DHX30: variants seen among roughly 807,000 people sequenced by gnomAD.
DHX30 encodes ATP-dependent RNA helicase DHX30.
In DHX30, 4 loss-of-function variants were observed where a neutral mutation model predicts 116.9. The ratio of observed to expected loss-of-function variants is 0.03; its 90% confidence interval spans 0.02 to 0.08. The LOEUF (loss-of-function observed/expected upper bound fraction) is 0.08, where lower values mean the gene tolerates loss of function less well. Among genes scored for constraint, DHX30 ranks in the 10% least tolerant of loss-of-function variants. The pLI, the probability that DHX30 is intolerant of heterozygous loss-of-function variation, is 1.00. For missense variants in DHX30, 871 were observed against 1,595.1 expected (o/e 0.55, Z 7.73); for synonymous variants, 697 against 651.7 (o/e 1.07, Z -1.06).
At position 47,841,925 on chromosome 3, in the gene DHX30, C is replaced by T; in HGVS notation, c.789+188C>T. 9 of 762,502 alleles carry T rather than the reference C, an allele frequency of 1.2e-5. No individual in the cohort carries two copies. The South Asian group carries it at 1.4e-4, about 12-fold the overall frequency. 47.2% of individuals were successfully genotyped at this position (762,502 alleles called of 1,614,324 possible). A position where few individuals can be genotyped will look rare whatever the true frequency, so the allele number is the denominator to read the frequency against. ...TGGAATGGAGGTCAAGCCTCAGCAG[C>T]ACAGGGAGTGGGCTTGGGGGCCGCA... On this transcript the variant is annotated intron_variant, in intron 8 of 21. Transcript: ENST00000445061.
intron 4 of DHX30, among the ~76,000 whole-genome samples, chr3:47,821,121 T>C (rs1291010790): frequency 6.6e-6 from 1 of 151,810 alleles, no homozygotes; most frequent in Admixed American, 6.6e-5. Flanking sequence ...GCCCAGCTGA[T>C]TTTTTTGTAT....
At position 47,848,908 on chromosome 3, in the gene DHX30, C is replaced by T. The variant is rs577198212; in HGVS notation, c.2770-12C>T. 6.9e-6 allele frequency: 11 copies of T among 1,598,614 alleles called. 1 individual carries two copies. In the East Asian group the frequency reaches 9.0e-5, roughly 13 times the overall value. On this transcript the variant is annotated splice_polypyrimidine_tract_variant and intron_variant, in intron 17 of 21. Coordinates refer to ENST00000445061, the MANE Select transcript of DHX30 (RefSeq NM_138615.3). The surrounding 1 kb of genome is among the most constrained non-coding windows in gnomAD (Gnocchi z 9.4). ...CTGCCTGTGATCCGGCTGCCCTCTT[C>T]TCCCCTCCCAGGTGAAAGCACTGTT...
chr3:47,825,182 C>G (rs887619505), intron 4 of DHX30: 1 of 661,462 alleles, frequency 1.5e-6, no homozygotes, highest in Non-Finnish European at 2.7e-6. Flanking sequence ...ACCAAGGAAG[C>G]CGCCGAGGCC....
intron 6 of DHX30, among the ~76,000 whole-genome samples, chr3:47,838,685 C>T (rs2037231589): frequency 6.6e-6 from 1 of 152,194 alleles, no homozygotes; most frequent in African/African-American, 2.4e-5. Context: ...TGATGTTCAC[C>T]TGACAGGCCT....
chr3:47,847,473 G>A lies in DHX30; in HGVS notation c.2047G>A (p.Gly683Arg), dbSNP rs1440570066. The change falls in exon 13 of 22, where the codon GGA (glycine) becomes AGA (arginine). Residue 683 changes from glycine to arginine, a missense_variant. By Grantham distance (125) the Gly-to-Arg change is moderately radical. Coordinates refer to ENST00000445061, the MANE Select transcript of DHX30 (RefSeq NM_138615.3). This position sits in a 1 kb window ranked among gnomAD's most constrained non-coding sequence, Gnocchi z 5.5. ...CCTGCCTGGGTGGCAGGAGATCAAAGGAGTGCAGCAGCGCCTCCAGGAGGC... is the reference window on the plus strand; with the variant it reads ...CCTGCCTGGGTGGCAGGAGATCAAAAGAGTGCAGCAGCGCCTCCAGGAGGC... The part of the protein sequence containing the change: ...CFLPGWQEIK[G>R]VQQRLQEALG... 1.9e-6 allele frequency: 3 copies of A among 1,613,248 alleles called. No homozygotes were observed. The highest frequency in any genetic ancestry group is 2.7e-5 in the African/African-American group (2 of 74,914).
intron 3 of DHX30, chr3:47,817,086 T>C (rs1341084755): frequency 4.5e-6 from 2 of 444,324 alleles, no homozygotes; most frequent in Non-Finnish European, 6.0e-6. Context: ...ATTCCACAAA[T>C]GAACATCTTT....
At chr3:47,812,824 C>G (rs1290372199) in intron 3 of DHX30, among the ~76,000 whole-genome samples, 1 of 150,880 alleles carries the variant, frequency 6.6e-6, no homozygotes, top group African/African-American at 2.4e-5. Flanking sequence ...CCACCACACC[C>G]GGGTAATTCT....
chr3:47,810,680 A>G lies in DHX30; in HGVS notation c.-4A>G. 6.2e-7 allele frequency: 1 copy of G among 1,614,090 alleles called. No individual in the cohort carries two copies. The highest frequency in any genetic ancestry group is 2.2e-5 in the East Asian group (1 of 44,872). ...AGGATTCCAGCTTTCCCTCCTGGCCAGAAATGTTCAGCCTGGACTCATTCA... is the reference window on the plus strand; with the variant it reads ...AGGATTCCAGCTTTCCCTCCTGGCCGGAAATGTTCAGCCTGGACTCATTCA... On this transcript the variant is annotated 5_prime_UTR_variant, in exon 3 of 22. Transcript: ENST00000445061.
chr3:47,807,824 G>T (rs1209091108), intron 2 of DHX30, among the ~76,000 whole-genome samples: 1 of 151,332 alleles, frequency 6.6e-6, no homozygotes, highest in African/African-American at 2.4e-5. Flanking sequence ...TTGAACTCCT[G>T]GCCTCAAGCG....
At chr3:47,830,585 G>A (rs1388100668) in intron 6 of DHX30, among the ~76,000 whole-genome samples, 1 of 150,852 alleles carries the variant, frequency 6.6e-6, no homozygotes, top group Non-Finnish European at 1.5e-5. Flanking sequence ...ACAAACATGC[G>A]GCACCGTGCC....
rs778761750 is a variant in DHX30 at position 47,848,647 on chromosome 3, C to T, written c.2599C>T (p.Leu867=). 1 of 1,614,080 alleles carries T rather than the reference C, an allele frequency of 6.2e-7. No individual in the cohort carries two copies. Among genetic ancestry groups the T allele is most frequent in the South Asian group, 1.1e-5 (1 of 91,080 alleles). The change falls in exon 17 of 22, where the codon CTG becomes TTG. Residue 867 remains leucine, a synonymous_variant. Transcript: ENST00000445061. The surrounding 1 kb of genome is among the most constrained non-coding windows in gnomAD (Gnocchi z 9.4). ...EIGVLDQREY[L]TTLGQRLAHI... is the part of the protein sequence containing the mutation. The stretch of plus-strand genomic sequence containing the variant: ...AGGGGTGCTGGACCAGCGGGAGTAC[C>T]TGACTACCCTGGGGCAGCGCCTGGC...
intron 6 of DHX30, among the ~76,000 whole-genome samples, chr3:47,835,038 C>G (rs1478816211): frequency 2.0e-5 from 3 of 152,002 alleles, no homozygotes; most frequent in Non-Finnish European, 4.4e-5. Flanking sequence ...GAGTCTTGCT[C>G]TGTTGCCCAG....
At chr3:47,806,850 C>T (rs1042913896) in intron 2 of DHX30, among the ~76,000 whole-genome samples, 2 of 151,986 alleles carry the variant, frequency 1.3e-5, no homozygotes, top group Non-Finnish European at 2.9e-5. Flanking sequence ...GCCTCAGCCT[C>T]CCAAAGTGAT....
chr3:47,810,724 C>T lies in DHX30; in HGVS notation c.28+13C>T. On this transcript the variant is annotated intron_variant, in intron 3 of 21. Transcript: ENST00000445061. The stretch of plus-strand genomic sequence containing the variant: ...TCATTCAGAAAAGGTAAGACTGCAA[C>T]TGTGCTTGTGACCTCATGCCCTTCC... The T allele has an allele frequency of 2.5e-6, 4 of 1,613,856 alleles. No homozygotes were observed. The highest frequency in any genetic ancestry group is 3.4e-6 in the Non-Finnish European group (4 of 1,179,728).
chr3:47,809,344 C>T (rs1432020446), intron 2 of DHX30, among the ~76,000 whole-genome samples: 2 of 148,962 alleles, frequency 1.3e-5, no homozygotes, highest in African/African-American at 4.9e-5. Context: ...TGGGTTCACG[C>T]CATTCTCCTG....
At chr3:47,849,811 G>A in intron 21 of DHX30, 42 bp downstream of exon 21, 1 of 1,607,926 alleles carries the variant, frequency 6.2e-7, no homozygotes, top group Non-Finnish European at 8.5e-7. Context: ...CTCTGCAGCT[G>A]CTCCTCCGGG....
chr3:47,817,433 G>A (rs1001663208), intron 3 of DHX30, among the ~76,000 whole-genome samples: 17 of 152,152 alleles, frequency 1.1e-4, no homozygotes, highest in Admixed American at 9.2e-4. Context: ...GCCCCCAAAT[G>A]AATGGAAGTA....
At chr3:47,826,536 C>T (rs1214388453) in intron 4 of DHX30, among the ~76,000 whole-genome samples, 2 of 151,604 alleles carry the variant, frequency 1.3e-5, no homozygotes, top group African/African-American at 2.4e-5. Flanking sequence ...ACCTCCGCCT[C>T]CCGGGTTCAA....
chr3:47,829,546 G>C (rs894916902), intron 6 of DHX30, among the ~76,000 whole-genome samples: 1 of 151,648 alleles, frequency 6.6e-6, no homozygotes, highest in South Asian at 2.1e-4. Context: ...GTTTCACCCT[G>C]TTGGCCAGGC....
Sources: allele counts gnomAD v4.1 joint callset (sites outside exome capture counted in the v4.1 genomes callset), GRCh38; gene constraint gnomAD v4.1.1; non-coding constraint Gnocchi (gnomAD v3.1); transcripts MANE v1.5; gene names NCBI Gene and HGNC (gene_info 2026-07-23, HGNC 2026-07-21).